Variants in CIPC observed in about 807,000 individuals in gnomAD.
CIPC encodes the protein CLOCK interacting pacemaker.
Under a neutral mutation model 26.7 loss-of-function variants are expected in CIPC, and 12 were observed. That is an observed-to-expected ratio of 0.45 (90% CI 0.29 to 0.73). CIPC has a LOEUF of 0.73. CIPC is among the 30% of genes least tolerant of loss of function. The pLI is 0.12. For missense variants in CIPC, 417 were observed against 486.5 expected, an observed-to-expected ratio of 0.86 and a Z score of 1.34; for synonymous variants, 170 against 189.8, an observed-to-expected ratio of 0.90 and a Z score of 0.86.
intron 3 of CIPC, among the ~76,000 whole-genome samples, chr14:77,111,586 G>A (rs1886702250): frequency 6.6e-6 from 1 of 152,136 alleles, no homozygotes; most frequent in Non-Finnish European, 1.5e-5. Flanking sequence ...TAACCACAAT[G>A]GATATCAGTT....
chr14:77,098,851 C>G (rs541835023), intron 1 of CIPC: 3 of 152,790 alleles, frequency 2.0e-5, no homozygotes, highest in East Asian at 3.8e-4. Flanking sequence ...TGCCGTCACC[C>G]TCGTTGCTGG....
rs77379142 is a variant in CIPC, at chr14:77,112,506, A to G, written c.307-919A>G. Among the ~76,000 whole-genome samples, 281 of 152,280 alleles carry G rather than the reference A, an allele frequency of 1.8e-3. 2 individuals carry two copies. In the East Asian group the frequency reaches 0.027, roughly 15 times the overall value. On this transcript the variant is annotated intron_variant, in intron 3 of 3. Coordinates refer to ENST00000361786, the MANE Select transcript of CIPC (RefSeq NM_033426.3). ...CTCAGTTCCCTGTTTATGAAGGGAAATGGTAACTGCCTCATGGGGTTTTAA... is the reference window on the plus strand; with the variant it reads ...CTCAGTTCCCTGTTTATGAAGGGAAGTGGTAACTGCCTCATGGGGTTTTAA...
Position 77,114,024 on chromosome 14 carries a change from C to T in CIPC, c.906C>T (p.Ser302=). The change falls in exon 4 of 4, where the codon AGC becomes AGT. Residue 302 remains serine, a synonymous_variant. Transcript: ENST00000361786. ...GGGCTGCAGAGCACCTCTGCCGCAG[C>T]CCAGATATCTTTTCAGAGCAGCGGC... ...PLWAAEHLCR[S]PDIFSEQRQS... The T allele has an allele frequency of 6.2e-7, 1 of 1,614,226 alleles. No homozygotes were observed. Among genetic ancestry groups the T allele is most frequent in the Non-Finnish European group, 8.5e-7 (1 of 1,180,044 alleles).
chr14:77,113,776 G>A lies in CIPC; in HGVS notation c.658G>A (p.Ala220Thr), dbSNP rs1594823297. The change falls in exon 4 of 4, where the codon GCC (alanine) becomes ACC (threonine). Residue 220 changes from alanine (A) to threonine (T), a missense_variant. Transcript: ENST00000361786. Reference protein sequence around the residue: ...SSPSTPAPPSAKLAEDSALQG... With the variant: ...SSPSTPAPPSTKLAEDSALQG... ...TCCCTCGACGCCAGCACCACCCAGC[G>A]CCAAACTTGCCGAGGACTCAGCTCT... The A allele has an allele frequency of 5.0e-6, 8 of 1,613,678 alleles. No homozygotes were observed. Among genetic ancestry groups the A allele is most frequent in the Non-Finnish European group, 6.8e-6 (8 of 1,179,684 alleles).
rs1199260162 is a variant in CIPC at position 77,115,945 on chromosome 14, C to T, written c.*1627C>T. 1 of 152,246 alleles carries T rather than the reference C, an allele frequency of 6.6e-6. No homozygotes were observed. The highest frequency in any genetic ancestry group is 2.4e-5 in the African/African-American group (1 of 41,460). The allele number at this position is 152,246 out of a possible 1,614,324, so 9.4% of individuals were successfully genotyped here. A position where few individuals can be genotyped will look rare whatever the true frequency, so the allele number is the denominator to read the frequency against. On this transcript the variant is annotated 3_prime_UTR_variant, in exon 4 of 4. Coordinates refer to ENST00000361786, the MANE Select transcript of CIPC (RefSeq NM_033426.3). ...AGTTGATCCGCCTGCCTCAGCCTCC[C>T]AAAGTGCTGGGCTTACAGGCCTGAG... is the stretch of plus-strand genomic sequence containing the variant.
At chr14:77,103,527 C>T (rs1886533283) in intron 1 of CIPC, among the ~76,000 whole-genome samples, 1 of 152,202 alleles carries the variant, frequency 6.6e-6, no homozygotes, top group Admixed American at 6.5e-5. Flanking sequence ...GCCTGTTCTC[C>T]TTATGCCAGT....
chr14:77,112,245 C>T (rs1886718023), intron 3 of CIPC, among the ~76,000 whole-genome samples: 1 of 152,154 alleles, frequency 6.6e-6, no homozygotes, highest in South Asian at 2.1e-4. Flanking sequence ...TTTTGGGGAC[C>T]AGGTTGGAAC....
chr14:77,114,087 C>A lies in CIPC; in HGVS notation c.969C>A (p.Val323=). The A allele has an allele frequency of 6.2e-7, 1 of 1,614,134 alleles. No homozygotes were observed. Among genetic ancestry groups the A allele is most frequent in the Non-Finnish European group, 8.5e-7 (1 of 1,180,030 alleles). ...GGCGCTTTCAGAATACCCTAGTAGT[C>A]CTACATAAATCTGGTTTGCTGGAGA... ...KHRRFQNTLV[V]LHKSGLLEIT... The change falls in exon 4 of 4, where the codon GTC becomes GTA. Residue 323 remains valine (V), a synonymous_variant. Coordinates refer to ENST00000361786, the MANE Select transcript of CIPC (RefSeq NM_033426.3).
rs982137053 is a variant in CIPC at position 77,116,685 on chromosome 14, T to C, written c.*2367T>C. 2.0e-5 allele frequency: 3 copies of C among 152,200 alleles called. No individual in the cohort carries two copies. The highest frequency in any genetic ancestry group is 7.2e-5 in the African/African-American group (3 of 41,458). 9.4% of individuals were successfully genotyped at this position (152,200 alleles called of 1,614,324 possible). A position where few individuals can be genotyped will look rare whatever the true frequency, so the allele number is the denominator to read the frequency against. On this transcript the variant is annotated 3_prime_UTR_variant, in exon 4 of 4. Transcript: ENST00000361786. ...AGTGCTAGAAGTCTCTCCAGGCTATTACCATGGGCATTTGTTCTCTGTTGG... is the reference window on the plus strand; with the variant it reads ...AGTGCTAGAAGTCTCTCCAGGCTATCACCATGGGCATTTGTTCTCTGTTGG...
Position 77,113,659 on chromosome 14 carries a change from A to C in CIPC, c.541A>C (p.Thr181Pro), listed in dbSNP as rs755848649. The C allele has an allele frequency of 6.2e-7, 1 of 1,613,876 alleles. No individual in the cohort carries two copies. The highest frequency in any genetic ancestry group is 8.5e-7 in the Non-Finnish European group (1 of 1,179,954). The change falls in exon 4 of 4, where the codon ACA becomes CCA. Residue 181 changes from threonine to proline, a missense_variant. By Grantham distance (38) the Thr-to-Pro change is conservative. Coordinates refer to ENST00000361786, the MANE Select transcript of CIPC (RefSeq NM_033426.3). ...GLSLGPEEKG[T>P]SGVQKKICTE... is the part of the protein sequence containing the mutation. ...TTCCCTTGGCCCAGAAGAAAAAGGA[A>C]CAAGTGGAGTGCAGAAGAAAATCTG...
At chr14:77,112,452 T>C (rs927879553) in intron 3 of CIPC, among the ~76,000 whole-genome samples, 1 of 152,234 alleles carries the variant, frequency 6.6e-6, no homozygotes, top group Non-Finnish European at 1.5e-5. Flanking sequence ...ACTTGATGAC[T>C]TAAAACAAGT....
chr14:77,098,679 G>A (rs1886411123), intron 1 of CIPC: 1 of 152,578 alleles, frequency 6.6e-6, no homozygotes. Context: ...CGGGGAGAGA[G>A]CTTGGAGTCC....
Position 77,113,427 on chromosome 14 carries a change from C to T in CIPC, c.309C>T (p.Gly103=). 2 of 1,614,070 alleles carry T rather than the reference C, an allele frequency of 1.2e-6. No homozygotes were observed. The highest frequency in any genetic ancestry group is 2.7e-5 in the African/African-American group (2 of 75,054). The change falls in exon 4 of 4, where the codon GGC becomes GGT. Residue 103 remains glycine, a splice_region_variant and synonymous_variant. Transcript: ENST00000361786. ...VVMKNVLVKQ[G]SSSSQLQSWT... is the part of the protein sequence containing the mutation. ...CTGCTCTCCTCCTTTGTCTTCAGGG[C>T]AGCAGCTCATCCCAGCTCCAGTCGT...
In CIPC at chr14:77,114,089, T is replaced by C. The variant is rs773184672; in HGVS notation, c.971T>C (p.Leu324Pro). ...HRRFQNTLVV[L>P]HKSGLLEITL... is the part of the protein sequence containing the mutation. ...CGCTTTCAGAATACCCTAGTAGTCC[T>C]ACATAAATCTGGTTTGCTGGAGATC... The change falls in exon 4 of 4, where the codon CTA becomes CCA. Residue 324 changes from leucine to proline, a missense_variant. Physicochemically the swap from Leu to Pro is moderately conservative, Grantham distance 98. Coordinates refer to ENST00000361786, the MANE Select transcript of CIPC (RefSeq NM_033426.3). 2.5e-6 allele frequency: 4 copies of C among 1,614,140 alleles called. No individual in the cohort carries two copies. The highest frequency in any genetic ancestry group is 3.4e-6 in the Non-Finnish European group (4 of 1,180,032).
At position 77,100,052 on chromosome 14, in the gene CIPC, GT is replaced by G. The variant is rs1466395202; in HGVS notation, c.-53+1693del. The G allele has an allele frequency of 3.3e-5, 5 of 151,960 alleles. No individual in the cohort carries two copies. In the East Asian group the frequency reaches 9.7e-4, roughly 30 times the overall value. 9.4% of individuals were successfully genotyped at this position (151,960 alleles called of 1,614,324 possible). On this transcript the variant is annotated intron_variant, in intron 1 of 3. Transcript: ENST00000361786. ...TTTATTACTCTATTGAATGCCTCAT[GT>G]TAATTGTTGGGGGCTGAGGTTGCAA... is the stretch of plus-strand genomic sequence containing the variant.
chr14:77,109,701 A>G, intron 2 of CIPC, 111 bp from the exon 3 acceptor site: 1 of 948,240 alleles, frequency 1.1e-6, no homozygotes, highest in Non-Finnish European at 1.5e-6. Flanking sequence ...ATTCACAAAA[A>G]CACATCACAA....
In CIPC at chr14:77,117,016, A is replaced by G. The variant is rs1285402306; in HGVS notation, c.*2698A>G. 2.0e-5 allele frequency: 3 copies of G among 152,172 alleles called. No homozygotes were observed. The highest frequency in any genetic ancestry group is 1.3e-4 in the Admixed American group (2 of 15,282). 9.4% of individuals were successfully genotyped at this position (152,172 alleles called of 1,614,324 possible). A position where few individuals can be genotyped will look rare whatever the true frequency, so the allele number is the denominator to read the frequency against. On this transcript the variant is annotated 3_prime_UTR_variant, in exon 4 of 4. Transcript: ENST00000361786. ...ATATATAGAAAAGTTGCTGATTGCA[A>G]TGGTTATGGGAATGGAATTTAATGA...
intron 3 of CIPC, among the ~76,000 whole-genome samples, chr14:77,111,003 T>C (rs1227145215): frequency 2.0e-5 from 3 of 152,214 alleles, no homozygotes; most frequent in Non-Finnish European, 4.4e-5. Flanking sequence ...TTTTGCTTGG[T>C]AAATCACATC....
chr14:77,101,953 G>T (rs185591710), intron 1 of CIPC, among the ~76,000 whole-genome samples: 99 of 152,242 alleles, frequency 6.5e-4, no homozygotes, highest in Non-Finnish European at 1.1e-3. Context: ...GGGTGTGGTG[G>T]TATGCGCCTG....
Sources: allele counts gnomAD v4.1 joint callset (sites outside exome capture counted in the v4.1 genomes callset), GRCh38; gene constraint gnomAD v4.1.1; transcripts MANE v1.5; gene names NCBI Gene and HGNC (gene_info 2026-07-23, HGNC 2026-07-21).